SYTL3: variants seen among roughly 807,000 people sequenced by gnomAD.
The protein encoded by SYTL3 is synaptotagmin like 3, also known as synaptotagmin-like protein 3.
In SYTL3, 88 loss-of-function variants were observed where a neutral mutation model predicts 82.1. The ratio of observed to expected loss-of-function variants is 1.07; its 90% confidence interval spans 0.90 to 1.28. SYTL3 has a LOEUF of 1.28. Among genes scored for constraint, SYTL3 ranks in the 50% most tolerant of loss-of-function variants. The probability of loss-of-function intolerance (pLI) is 0.00; values close to 1 mark genes in which losing one functional copy is unlikely to be tolerated. For missense variants in SYTL3, 831 were observed against 757.6 expected, an observed-to-expected ratio of 1.10 and a Z score of -1.14; for synonymous variants, 311 against 289.4, an observed-to-expected ratio of 1.07 and a Z score of -0.76.
intron 5 of SYTL3, among the ~76,000 whole-genome samples, chr6:158,677,743 TA>T (rs370060453): frequency 4.7e-4 from 61 of 128,892 alleles, no homozygotes; most frequent in Non-Finnish European, 7.4e-4. Context: ...CTATTTGAAA[TA>T]AAAAAAATAA....
At chr6:158,764,277 T>TA (rs1031135976) in intron 17 of SYTL3, among the ~76,000 whole-genome samples, 4 of 152,170 alleles carry the variant, frequency 2.6e-5, no homozygotes, top group African/African-American at 9.7e-5. Context: ...TCCAGGCTGT[T>TA]AGAGCCTCGC....
At chr6:158,674,109 TA>T (rs753617799) in intron 5 of SYTL3, among the ~76,000 whole-genome samples, 2 of 137,728 alleles carry the variant, frequency 1.5e-5, no homozygotes, top group Admixed American at 1.5e-4. Context: ...ATAATAATAA[TA>T]ATAATAATAA....
chr6:158,760,116 T>C (rs1789707547), intron 14 of SYTL3, among the ~76,000 whole-genome samples: 2 of 152,080 alleles, frequency 1.3e-5, no homozygotes, highest in South Asian at 2.1e-4. Context: ...AAACCACTCA[T>C]GACAGAAGTG....
At chr6:158,717,282 A>G (rs1783533733) in intron 9 of SYTL3, among the ~76,000 whole-genome samples, 1 of 140,806 alleles carries the variant, frequency 7.1e-6, no homozygotes, top group Non-Finnish European at 1.6e-5. Flanking sequence ...TCAAAAATAA[A>G]TAAGTAAATA....
At chr6:158,649,711 A>G (rs1490060401), upstream of SYTL3, among the ~76,000 whole-genome samples, 1 of 152,244 alleles carries the variant, frequency 6.6e-6, no homozygotes, top group Non-Finnish European at 1.5e-5. Context: ...TTTACACTGA[A>G]GTCAATGTGA....
At position 158,751,937 on chromosome 6, in the gene SYTL3, G is replaced by C. The variant is rs1392386527; in HGVS notation, c.1044G>C (p.Lys348Asn). 3.8e-6 allele frequency: 6 copies of C among 1,596,786 alleles called. No homozygotes were observed. Among genetic ancestry groups the C allele is most frequent in the Non-Finnish European group, 5.1e-6 (6 of 1,172,080 alleles). Reference sequence around the variant, plus strand: ...TGTGTTTGGCCCCTAGGTATGTGAAGACCTACCTGTTGCCCGACAGATCCT... The same window carrying C: ...TGTGTTTGGCCCCTAGGTATGTGAACACCTACCTGTTGCCCGACAGATCCT... Reference protein sequence around the residue: ...EKKKKCNPYVKTYLLPDRSSQ... With the variant: ...EKKKKCNPYVNTYLLPDRSSQ... Residue 348 changes from lysine to asparagine, a missense_variant, in exon 13 of 18, where the codon AAG becomes AAC. By Grantham distance (94) the Lys-to-Asn change is moderately conservative. Transcript: ENST00000611299.
At chr6:158,723,568 C>T (rs1375968037) in intron 10 of SYTL3, among the ~76,000 whole-genome samples, 1 of 152,108 alleles carries the variant, frequency 6.6e-6, no homozygotes, top group Non-Finnish European at 1.5e-5. Flanking sequence ...ACCATCTGTG[C>T]CGTTTTAAGT....
Position 158,763,398 on chromosome 6 carries a change from A to G in SYTL3, c.1612A>G (p.Ser538Gly), listed in dbSNP as rs757597488. Residue 538 changes from serine (S) to glycine (G), a missense_variant, in exon 17 of 18, where the codon AGT becomes GGT. Coordinates refer to ENST00000611299, the MANE Select transcript of SYTL3 (RefSeq NM_001242394.2). ...CCAGTGGAAACACTCATTTGTCTTC[A>G]GTGGCGTAACCCCAGCTCAGCTGAG... ...CPQWKHSFVF[S>G]GVTPAQLRQS... 2 of 1,614,232 alleles carry G rather than the reference A, an allele frequency of 1.2e-6. No homozygotes were observed. The highest frequency in any genetic ancestry group is 1.7e-6 in the Non-Finnish European group (2 of 1,180,028).
intron 5 of SYTL3, among the ~76,000 whole-genome samples, chr6:158,665,963 T>G (rs1172312775): frequency 6.6e-6 from 1 of 151,596 alleles, no homozygotes; most frequent in East Asian, 1.9e-4. Flanking sequence ...ATACAAAAAT[T>G]AGCCAAGTGT....
chr6:158,727,747 G>A (rs1784918918), intron 11 of SYTL3, among the ~76,000 whole-genome samples: 1 of 143,030 alleles, frequency 7.0e-6, no homozygotes, highest in African/African-American at 2.7e-5. Context: ...GCAGTGGCAC[G>A]ATCTCAGCTC....
intron 6 of SYTL3, among the ~76,000 whole-genome samples, chr6:158,695,834 A>G (rs929081777): frequency 3.3e-5 from 5 of 152,166 alleles, no homozygotes; most frequent in African/African-American, 1.2e-4. Flanking sequence ...GGGTTCATTC[A>G]TGTTGTAGAG....
At chr6:158,757,748 A>T (rs1260609979) in intron 14 of SYTL3, among the ~76,000 whole-genome samples, 1 of 152,182 alleles carries the variant, frequency 6.6e-6, no homozygotes, top group Non-Finnish European at 1.5e-5. Context: ...GCGGTCCCCC[A>T]GGGGGCTACA....
rs200449025 is a variant in SYTL3, at chr6:158,757,267, T to C, written c.1194T>C (p.His398=). Residue 398 remains histidine (H), a synonymous_variant, in exon 14 of 18, where the codon CAT becomes CAC. Coordinates refer to ENST00000611299, the MANE Select transcript of SYTL3 (RefSeq NM_001242394.2). ...GGCAGCTGCAGGTCTCGGTGTGGCA[T>C]CTGGGCACGCTGGCCCGGAGAGTGT... ...VTRQLQVSVW[H]LGTLARRVFL... 181 of 1,612,980 alleles carry C rather than the reference T, an allele frequency of 1.1e-4. 1 individual carries two copies. The South Asian group carries it at 1.6e-3, about 14-fold the overall frequency.
chr6:158,751,716 C>A (rs1160813360), intron 12 of SYTL3, among the ~76,000 whole-genome samples: 1 of 152,196 alleles, frequency 6.6e-6, no homozygotes, highest in Non-Finnish European at 1.5e-5. Context: ...ATGTGGCTAG[C>A]ATTTGACCAT....
At chr6:158,665,879 G>A (rs768609244) in intron 5 of SYTL3, among the ~76,000 whole-genome samples, 1 of 152,110 alleles carries the variant, frequency 6.6e-6, no homozygotes, top group East Asian at 1.9e-4. Context: ...GGAGGCCAAG[G>A]TGGGTGGATT....
intron 6 of SYTL3, among the ~76,000 whole-genome samples, chr6:158,696,276 T>C (rs540814177): frequency 6.6e-6 from 1 of 152,214 alleles, no homozygotes; most frequent in East Asian, 1.9e-4. Context: ...CTCGGCTGAC[T>C]GCAATTTCTG....
In SYTL3 at chr6:158,718,141, G is replaced by A. The variant is rs894824768; in HGVS notation, c.650G>A (p.Gly217Asp). ...TCTGAGAAGCATCTTCTCGCCACGG[G>A]CCCCAGGCAGTGTGTGGGACAGACA... Reference protein sequence around the residue: ...MTSEKHLLATGPRQCVGQTER... With the variant: ...MTSEKHLLATDPRQCVGQTER... The change falls in exon 10 of 18, where the codon GGC becomes GAC. Residue 217 changes from glycine to aspartate, a missense_variant. Physicochemically the swap from Gly to Asp is moderately conservative, Grantham distance 94 (BLOSUM62 -1). Transcript: ENST00000611299. 1.0e-5 allele frequency: 16 copies of A among 1,546,262 alleles called. No individual in the cohort carries two copies. The highest frequency in any genetic ancestry group is 1.2e-5 in the Non-Finnish European group (14 of 1,144,952).
chr6:158,732,795 A>C (rs914072780), intron 11 of SYTL3, among the ~76,000 whole-genome samples: 2 of 152,122 alleles, frequency 1.3e-5, no homozygotes. Context: ...ATTGTAAAAA[A>C]CCTTTACTAG....
chr6:158,742,088 C>T (rs1026787358), intron 11 of SYTL3, among the ~76,000 whole-genome samples: 35 of 152,120 alleles, frequency 2.3e-4, no homozygotes, highest in Non-Finnish European at 3.5e-4. Context: ...ATTTTGAACT[C>T]GAATAAGAAA....
Sources: allele counts gnomAD v4.1 joint callset (sites outside exome capture counted in the v4.1 genomes callset), GRCh38; gene constraint gnomAD v4.1.1; transcripts MANE v1.5; gene names NCBI Gene and HGNC (gene_info 2026-07-23, HGNC 2026-07-21).